Variants in GCSAML observed in about 807,000 individuals in gnomAD.
The protein encoded by GCSAML is germinal center-associated signaling and motility-like protein.
A neutral mutation model predicts 13.0 loss-of-function variants in GCSAML; 9 were observed. The observed-to-expected ratio is 0.69, with a 90% confidence interval of 0.42 to 1.21. The LOEUF is 1.21. Among genes scored for constraint, GCSAML ranks in the 50% most tolerant of loss-of-function variants. The pLI, the probability that GCSAML is intolerant of heterozygous loss-of-function variation, is 0.00. For synonymous variants in GCSAML, 37 were observed against 52.9 expected (o/e 0.70, Z 1.31); for missense variants, 143 against 153.4 (o/e 0.93, Z 0.36).
upstream of GCSAML, among the ~76,000 whole-genome samples, chr1:247,545,480 A>G (rs1667538428): frequency 6.6e-6 from 1 of 152,208 alleles, no homozygotes; most frequent in Non-Finnish European, 1.5e-5. Context: ...CAAAAAAAGA[A>G]CTGGTTGAAA....
intron 2 of GCSAML, among the ~76,000 whole-genome samples, chr1:247,541,432 C>T (rs1389639367): frequency 2.0e-5 from 3 of 152,134 alleles, no homozygotes; most frequent in Non-Finnish European, 4.4e-5. Flanking sequence ...ATTTTCCGCA[C>T]GGTCTCATCA....
chr1:247,569,058 A>G (rs1668496004), intron 4 of GCSAML, among the ~76,000 whole-genome samples: 3 of 152,192 alleles, frequency 2.0e-5, no homozygotes, highest in African/African-American at 7.2e-5. Flanking sequence ...TTGATTTTGT[A>G]TCCTGAGACT....
chr1:247,556,458 A>G lies in GCSAML; in HGVS notation c.81A>G (p.Glu27=), dbSNP rs750133537. The change falls in exon 2 of 5, where the codon GAA becomes GAG. Residue 27 remains glutamate, a synonymous_variant. Transcript: ENST00000366488. ...KKPKKGNPDE[E]RKRQEMTTFE... ...CCAAGAAAGGAAACCCAGATGAGGA[A>G]AGAAAACGGTAAGAACAGAGCATCT... 1.9e-6 allele frequency: 3 copies of G among 1,609,988 alleles called. No individual in the cohort carries two copies. The Admixed American group carries it at 5.0e-5, about 27-fold the overall frequency.
chr1:247,517,264 G>A (rs963813121), intron 1 of GCSAML, among the ~76,000 whole-genome samples: 1 of 152,164 alleles, frequency 6.6e-6, no homozygotes, highest in South Asian at 2.1e-4. Context: ...AGGGCCCCCA[G>A]GCTATTTTCC....
chr1:247,565,590 C>A, intron 3 of GCSAML: 1 of 213,320 alleles, frequency 4.7e-6, no homozygotes, highest in Non-Finnish European at 9.1e-6. Context: ...ATCATTCTTT[C>A]TTTATGCTTA....
chr1:247,550,222 T>C (rs1375448421), intron 1 of GCSAML, among the ~76,000 whole-genome samples: 1 of 152,214 alleles, frequency 6.6e-6, no homozygotes, highest in Non-Finnish European at 1.5e-5. Context: ...GCTGTCTTTA[T>C]GAGGCAGCAG....
At position 247,577,524 on chromosome 1, in the gene GCSAML, A is replaced by T. The variant is rs1668879684; in HGVS notation, c.*3142A>T. 6.6e-6 allele frequency: 1 copy of T among 152,218 alleles called. No individual in the cohort carries two copies. Among genetic ancestry groups the T allele is most frequent in the Non-Finnish European group, 1.5e-5 (1 of 68,038 alleles). 9.4% of individuals were successfully genotyped at this position (152,218 alleles called of 1,614,324 possible). ...ATTATAATATTTTTGAGATTCATCT[A>T]TGTTTAATGTTCTATCAGTAGTTGT... On this transcript the variant is annotated 3_prime_UTR_variant, in exon 5 of 5. Coordinates refer to ENST00000366488, the MANE Select transcript of GCSAML (RefSeq NM_145278.5).
At chr1:247,507,439 T>C (rs1225516426) in intron 1 of GCSAML, among the ~76,000 whole-genome samples, 1 of 152,250 alleles carries the variant, frequency 6.6e-6, no homozygotes, top group Non-Finnish European at 1.5e-5. Context: ...CATAATTTTG[T>C]GGCATTTTCT....
intron 1 of GCSAML, among the ~76,000 whole-genome samples, chr1:247,518,934 A>G (rs1252366706): frequency 6.6e-6 from 1 of 152,024 alleles, no homozygotes. Flanking sequence ...GGCTTCAGTG[A>G]GCTCTAATCA....
At chr1:247,517,671 T>C (rs928646888) in intron 1 of GCSAML, among the ~76,000 whole-genome samples, 2 of 152,146 alleles carry the variant, frequency 1.3e-5, no homozygotes, top group Non-Finnish European at 2.9e-5. Context: ...AGTTTTAGCT[T>C]TCTTCTCTTC....
chr1:247,547,444 G>A (rs558807865), upstream of GCSAML, among the ~76,000 whole-genome samples: 152 of 152,318 alleles, frequency 1.0e-3, no homozygotes, highest in African/African-American at 3.5e-3. Flanking sequence ...GAAACCTTTC[G>A]TGTTACCACA....
chr1:247,515,886 G>A (rs1276514598), intron 1 of GCSAML, among the ~76,000 whole-genome samples: 2 of 152,170 alleles, frequency 1.3e-5, no homozygotes, highest in Non-Finnish European at 2.9e-5. Context: ...AGTAAACCCA[G>A]CAGTGATCAG....
intron 2 of GCSAML, among the ~76,000 whole-genome samples, chr1:247,541,256 A>T (rs959493114): frequency 2.0e-5 from 3 of 152,184 alleles, no homozygotes; most frequent in African/African-American, 7.2e-5. Context: ...TGCATTGCTT[A>T]TAATTAATGT....
At chr1:247,507,562 G>A (rs1224397047) in intron 1 of GCSAML, among the ~76,000 whole-genome samples, 1 of 152,058 alleles carries the variant, frequency 6.6e-6, no homozygotes, top group Non-Finnish European at 1.5e-5. Flanking sequence ...TGGGATACAC[G>A]TGCAGAAAGT....
chr1:247,526,707 G>A lies in GCSAML; in HGVS notation c.-262-233G>A, dbSNP rs1666696046. On this transcript the variant is annotated intron_variant, in intron 1 of 5. Coordinates refer to the GCSAML transcript ENST00000366489. The surrounding 1 kb of genome is among the most constrained non-coding windows in gnomAD (Gnocchi z 4.8). The stretch of plus-strand genomic sequence containing the variant: ...CACAGAGCAGGTTTGGGATGATCCA[G>A]GTTTTCTGTCCTGTGAGAAGCCATC... 1 of 352,492 alleles carries A rather than the reference G, an allele frequency of 2.8e-6. No homozygotes were observed. Among genetic ancestry groups the A allele is most frequent in the Non-Finnish European group, 5.5e-6 (1 of 181,542 alleles). The allele number at this position is 352,492 out of a possible 1,614,324, so 21.8% of individuals were successfully genotyped here. A position where few individuals can be genotyped will look rare whatever the true frequency, so the allele number is the denominator to read the frequency against.
chr1:247,546,282 C>T (rs1378408162), upstream of GCSAML, among the ~76,000 whole-genome samples: 6 of 152,192 alleles, frequency 3.9e-5, no homozygotes, highest in South Asian at 1.2e-3. Flanking sequence ...AAGCAATCCT[C>T]CTGCTTCAGC....
intron 4 of GCSAML, among the ~76,000 whole-genome samples, chr1:247,571,527 C>T (rs564135392): frequency 6.6e-4 from 101 of 152,258 alleles, no homozygotes; most frequent in Non-Finnish European, 1.1e-3. Flanking sequence ...GAATATTGGC[C>T]CCCACTCTCT....
In GCSAML at chr1:247,513,650, G is replaced by A. The variant is rs185281149; in HGVS notation, c.-263+6417G>A. ...GGCACTGGTGGCATAGGCACCTGAG[G>A]GAATCTCCTGGTCTGCAGGTTGCAG... On this transcript the variant is annotated intron_variant, in intron 1 of 5. Coordinates refer to the GCSAML transcript ENST00000366489. Among the ~76,000 whole-genome samples, 1,052 of 152,296 alleles carry A rather than the reference G, an allele frequency of 6.9e-3. 10 individuals carry two copies. Among genetic ancestry groups the A allele is most frequent in the African/African-American group, 0.024 (991 of 41,568 alleles).
chr1:247,562,817 C>T (rs892289717), intron 2 of GCSAML, among the ~76,000 whole-genome samples: 3 of 149,542 alleles, frequency 2.0e-5, no homozygotes, highest in African/African-American at 4.9e-5. Context: ...CATCACTGGC[C>T]CACACTTATT....
Sources: allele counts gnomAD v4.1 joint callset (sites outside exome capture counted in the v4.1 genomes callset), GRCh38; gene constraint gnomAD v4.1.1; non-coding constraint Gnocchi (gnomAD v3.1); transcripts MANE v1.5; gene names NCBI Gene and HGNC (gene_info 2026-07-23, HGNC 2026-07-21).